Variants in KCNH1 observed in about 807,000 individuals in gnomAD.
The protein encoded by KCNH1 is potassium voltage-gated channel subfamily H member 1, also known as voltage-gated delayed rectifier potassium channel KCNH1.
Under a neutral mutation model 69.2 loss-of-function variants are expected in KCNH1, and 27 were observed. That is an observed-to-expected ratio of 0.39 (90% CI 0.29 to 0.54). The LOEUF (loss-of-function observed/expected upper bound fraction) is 0.54, where lower values mean the gene tolerates loss of function less well. Ranked by LOEUF, KCNH1 falls within the 20% of genes least tolerant of loss-of-function variation. KCNH1 has a pLI of 0.68. For synonymous variants in KCNH1, 456 were observed against 487.7 expected, an observed-to-expected ratio of 0.93 and a Z score of 0.86; for missense variants, 798 against 1,261.6, an observed-to-expected ratio of 0.63 and a Z score of 5.57.
Position 210,681,940 on chromosome 1 carries a change from C to T in KCNH1, c.*1341G>A, listed in dbSNP as rs1681279258. The stretch of plus-strand genomic sequence containing the variant: ...AGAGAAGCCCAAGCACATGAATAAC[C>T]TGACTTAGGTGACCATGAGGCAGTG... On this transcript the variant is annotated 3_prime_UTR_variant, in exon 11 of 11. Coordinates refer to ENST00000271751, the MANE Select transcript of KCNH1 (RefSeq NM_172362.3). 6.6e-6 allele frequency: 1 copy of T among 152,224 alleles called. No individual in the cohort carries two copies. The highest frequency in any genetic ancestry group is 6.5e-5 in the Admixed American group (1 of 15,278). 9.4% of individuals were successfully genotyped at this position (152,224 alleles called of 1,614,324 possible).
intron 6 of KCNH1, among the ~76,000 whole-genome samples, chr1:210,990,951 T>C (rs1688924518): frequency 6.6e-6 from 1 of 152,136 alleles, no homozygotes; most frequent in Admixed American, 6.5e-5. Flanking sequence ...TTTACCAACA[T>C]AGACTATGGG....
intron 7 of KCNH1, among the ~76,000 whole-genome samples, chr1:210,815,377 G>A (rs933266752): frequency 1.3e-5 from 2 of 152,134 alleles, no homozygotes; most frequent in African/African-American, 4.8e-5. Flanking sequence ...TTACTCTACT[G>A]GACAGGACAA....
At chr1:210,718,412 TA>T (rs11359076) in intron 10 of KCNH1, among the ~76,000 whole-genome samples, 2 of 11,612 alleles carry the variant, frequency 1.7e-4, no homozygotes, top group Non-Finnish European at 2.6e-4. Context: ...TGCATATATG[TA>T]TATATATAAA....
chr1:210,877,290 G>A lies in KCNH1; in HGVS notation c.1462+42350C>T, dbSNP rs147595960. Among the ~76,000 whole-genome samples, 291 of 152,252 alleles carry A rather than the reference G, an allele frequency of 1.9e-3. 1 individual carries two copies. Among genetic ancestry groups the A allele is most frequent in the African/African-American group, 6.5e-3 (270 of 41,550 alleles). Reference sequence around the variant, plus strand: ...TGGAAGGTGGAAGACTGGGCTGCAGGAGTCTGAAGCAGGACACTGACTGCC... The same window carrying A: ...TGGAAGGTGGAAGACTGGGCTGCAGAAGTCTGAAGCAGGACACTGACTGCC... On this transcript the variant is annotated intron_variant, in intron 7 of 10. Transcript: ENST00000271751.
intron 4 of KCNH1, among the ~76,000 whole-genome samples, chr1:211,090,061 G>A (rs1188173089): frequency 2.6e-5 from 4 of 152,146 alleles, no homozygotes; most frequent in Non-Finnish European, 5.9e-5. Flanking sequence ...TTAGGACCCT[G>A]GCTTCATTAA....
At chr1:210,806,836 AATATATATATATAT>A (rs1553346590) in intron 7 of KCNH1, among the ~76,000 whole-genome samples, 1 of 85,660 alleles carries the variant, frequency 1.2e-5, no homozygotes, top group South Asian at 4.6e-4. Flanking sequence ...AAAAAAAAAA[AATATATATATATAT>A]ATATAAATTT....
chr1:210,794,330 C>T (rs1308139375), intron 9 of KCNH1, among the ~76,000 whole-genome samples: 1 of 152,134 alleles, frequency 6.6e-6, no homozygotes, highest in Non-Finnish European at 1.5e-5. Context: ...AATCTGGCTC[C>T]TAGAGACAAA....
intron 5 of KCNH1, among the ~76,000 whole-genome samples, chr1:211,059,048 A>T (rs1342217204): frequency 3.9e-5 from 6 of 152,140 alleles, no homozygotes; most frequent in Non-Finnish European, 7.4e-5. Context: ...TGGGAGGCTG[A>T]GGTGGGTGGG....
At chr1:211,013,066 C>T (rs767832486) in intron 6 of KCNH1, among the ~76,000 whole-genome samples, 1 of 152,182 alleles carries the variant, frequency 6.6e-6, no homozygotes, top group Non-Finnish European at 1.5e-5. Context: ...ATGACTTTCA[C>T]CTGACAGCTT....
At chr1:210,736,184 T>C (rs1001798839) in intron 10 of KCNH1, among the ~76,000 whole-genome samples, 5 of 152,152 alleles carry the variant, frequency 3.3e-5, no homozygotes, top group Non-Finnish European at 5.9e-5. Flanking sequence ...TAGCTGAGAC[T>C]ACAGGAGTGT....
chr1:211,081,758 A>T (rs1305598651), intron 5 of KCNH1, among the ~76,000 whole-genome samples: 1 of 152,224 alleles, frequency 6.6e-6, no homozygotes, highest in Non-Finnish European at 1.5e-5. Context: ...CATAGTTGGG[A>T]ATTGAACAAT....
chr1:210,783,874 A>C (rs988123431), intron 9 of KCNH1, among the ~76,000 whole-genome samples: 1 of 152,212 alleles, frequency 6.6e-6, no homozygotes, highest in African/African-American at 2.4e-5. Flanking sequence ...CCAGCGGGTC[A>C]GTACAATATG....
intron 5 of KCNH1, among the ~76,000 whole-genome samples, chr1:211,059,699 C>T (rs141318773): frequency 1.3e-5 from 2 of 151,744 alleles, no homozygotes; most frequent in Admixed American, 6.6e-5. Context: ...GCCGAGATTG[C>T]GCCACTGCAC....
chr1:211,000,112 A>T (rs551546572), intron 6 of KCNH1, among the ~76,000 whole-genome samples: 4 of 152,350 alleles, frequency 2.6e-5, no homozygotes, highest in African/African-American at 7.2e-5. Flanking sequence ...CAAGACAGGG[A>T]TGTCCTCTCT....
intron 6 of KCNH1, among the ~76,000 whole-genome samples, chr1:210,939,080 C>T (rs1444025863): frequency 6.6e-6 from 1 of 152,130 alleles, no homozygotes; most frequent in Non-Finnish European, 1.5e-5. Flanking sequence ...ATAGGCGGAG[C>T]TGGACATGCC....
At position 210,917,227 on chromosome 1, in the gene KCNH1, G is replaced by GAA. The variant is rs1558524741; in HGVS notation, c.1462+2412_1462+2413insTT. 4.5e-3 allele frequency among the ~76,000 whole-genome samples: 347 copies of GAA among 77,094 alleles called. 1 individual carries two copies. Among genetic ancestry groups the GAA allele is most frequent in the South Asian group, 0.022 (48 of 2,222 alleles). 50.6% of individuals were successfully genotyped at this position (77,094 alleles called of 152,430 possible). ...AGGGACAGAGAGAGAGAGAGAGAGA[G>GAA]AGAGAAAGAAAGAAAGAAAGAAAGA... On this transcript the variant is annotated intron_variant, in intron 7 of 10. Coordinates refer to ENST00000271751, the MANE Select transcript of KCNH1 (RefSeq NM_172362.3).
chr1:211,039,757 T>C (rs976128389), intron 5 of KCNH1, among the ~76,000 whole-genome samples: 2 of 152,180 alleles, frequency 1.3e-5, no homozygotes, highest in South Asian at 4.1e-4. Flanking sequence ...ACAGCTGCAT[T>C]TACCCAGTAC....
chr1:211,063,548 C>T (rs1690471638), intron 5 of KCNH1: 1 of 152,258 alleles, frequency 6.6e-6, no homozygotes, highest in Non-Finnish European at 1.5e-5. Context: ...CGAGACCACC[C>T]TGGCTAACAT....
chr1:210,726,475 A>G (rs922069563), intron 10 of KCNH1, among the ~76,000 whole-genome samples: 1 of 152,154 alleles, frequency 6.6e-6, no homozygotes, highest in African/African-American at 2.4e-5. Context: ...TATGTAGCAA[A>G]TCATCTCAGG....
Sources: allele counts gnomAD v4.1 joint callset (sites outside exome capture counted in the v4.1 genomes callset), GRCh38; gene constraint gnomAD v4.1.1; transcripts MANE v1.5; gene names NCBI Gene and HGNC (gene_info 2026-07-23, HGNC 2026-07-21).